The following C1QTNF9 variants were observed in gnomAD, a reference collection of about 807,000 sequenced individuals.
The protein encoded by C1QTNF9 is complement C1q and tumor necrosis factor-related protein 9A.
Under a neutral mutation model 10.1 loss-of-function variants are expected in C1QTNF9, and 6 were observed. That is an observed-to-expected ratio of 0.59 (90% CI 0.32 to 1.17). The LOEUF (loss-of-function observed/expected upper bound fraction) is 1.17, where lower values mean the gene tolerates loss of function less well. Ranked by LOEUF, C1QTNF9 falls within the 50% of genes most tolerant of loss-of-function variation. The pLI, the probability that C1QTNF9 is intolerant of heterozygous loss-of-function variation, is 0.04. For synonymous variants in C1QTNF9, 98 were observed against 163.5 expected, an observed-to-expected ratio of 0.60 and a Z score of 3.06; for missense variants, 201 against 418.8, an observed-to-expected ratio of 0.48 and a Z score of 4.54.
chr13:24,310,409 C>G (rs1218914325), intron 1 of C1QTNF9, among the ~76,000 whole-genome samples: 2 of 151,376 alleles, frequency 1.3e-5, no homozygotes, highest in South Asian at 4.2e-4. Context: ...CCTCGGCCTC[C>G]CAAAGTGCTG....
chr13:24,307,668 G>A (rs530085004), upstream of C1QTNF9, among the ~76,000 whole-genome samples: 1 of 152,224 alleles, frequency 6.6e-6, no homozygotes, highest in African/African-American at 2.4e-5. Context: ...CGGTCGCTAG[G>A]GTGGGGAGGG....
Position 24,320,721 on chromosome 13 carries a change from CT to C in C1QTNF9, c.230-263del, listed in dbSNP as rs879414090. 3.0e-3 allele frequency among the ~76,000 whole-genome samples: 439 copies of C among 144,068 alleles called. 1 individual carries two copies. The highest frequency in any genetic ancestry group is 3.0e-3 in the Non-Finnish European group (199 of 65,302). The allele number at this position is 144,068 out of a possible 152,430, so 94.5% of individuals were successfully genotyped here. ...ATTTTATTTTCTTATTTTTCTTTTT[CT>C]TTTTTTTTTTTAGAGTCAGGGTATT... On this transcript the variant is annotated intron_variant, in intron 3 of 3. Transcript: ENST00000332018.
chr13:24,311,304 A>G (rs1181414659), intron 1 of C1QTNF9, among the ~76,000 whole-genome samples: 1 of 152,256 alleles, frequency 6.6e-6, no homozygotes, highest in Non-Finnish European at 1.5e-5. Context: ...AAAGAATCGG[A>G]GAATGAGTCA....
chr13:24,310,054 C>T (rs572908089), intron 1 of C1QTNF9, among the ~76,000 whole-genome samples: 4 of 152,018 alleles, frequency 2.6e-5, no homozygotes, highest in South Asian at 2.1e-4. Context: ...CCACCACACC[C>T]TGCTAATTTT....
chr13:24,316,314 C>G, intron 2 of C1QTNF9, 145 bp downstream of exon 2: 1 of 1,197,206 alleles, frequency 8.4e-7, no homozygotes, highest in Non-Finnish European at 1.2e-6. Flanking sequence ...CTCACTGGAG[C>G]CTGACCCCAT....
intron 1 of C1QTNF9, among the ~76,000 whole-genome samples, chr13:24,310,026 T>C (rs1273967131): frequency 6.6e-6 from 1 of 151,514 alleles, no homozygotes; most frequent in Non-Finnish European, 1.5e-5. Context: ...CCCGAGTAGC[T>C]GGGATTACAG....
rs761867840 is a variant in C1QTNF9, at chr13:24,318,802, C to G, written c.167-16C>G. 2 of 1,614,238 alleles carry G rather than the reference C, an allele frequency of 1.2e-6. No individual in the cohort carries two copies. The highest frequency in any genetic ancestry group is 1.7e-6 in the Non-Finnish European group (2 of 1,180,020). On this transcript the variant is annotated splice_polypyrimidine_tract_variant and intron_variant, in intron 2 of 3. Coordinates refer to ENST00000332018, the Ensembl canonical transcript of C1QTNF9. ...TGGAATTTCAACTCATGCCTGTTTT[C>G]TGCTTTTCCACCTAGGAGAACCAGG...
At chr13:24,316,477 G>A (rs1471411673) in intron 2 of C1QTNF9, among the ~76,000 whole-genome samples, 1 of 152,166 alleles carries the variant, frequency 6.6e-6, no homozygotes, top group Non-Finnish European at 1.5e-5. Context: ...ATTTTCAGTA[G>A]TATACGATGT....
At chr13:24,320,622 T>C (rs1878217670) in intron 3 of C1QTNF9, among the ~76,000 whole-genome samples, 1 of 152,164 alleles carries the variant, frequency 6.6e-6, no homozygotes, top group African/African-American at 2.4e-5. Context: ...TGGACTCAAG[T>C]AGTCTGCCCA....
intron 2 of C1QTNF9, among the ~76,000 whole-genome samples, chr13:24,316,896 T>C (rs1225235747): frequency 6.6e-6 from 1 of 152,194 alleles, no homozygotes; most frequent in Non-Finnish European, 1.5e-5. Context: ...CTAAGGCATA[T>C]GCAGAATGAT....
In C1QTNF9 at chr13:24,313,105, T is replaced by C. The variant is rs187073764; in HGVS notation, c.-22-2877T>C. Among the ~76,000 whole-genome samples, 3 of 152,226 alleles carry C rather than the reference T, an allele frequency of 2.0e-5. No individual in the cohort carries two copies. The East Asian group carries it at 5.8e-4, about 29-fold the overall frequency. On this transcript the variant is annotated intron_variant, in intron 1 of 3. Coordinates refer to ENST00000332018, the Ensembl canonical transcript of C1QTNF9. ...CAACATTCATGAGACTGTATCTCTATAAACAAACAAACAAACAAACAAATA... is the reference window on the plus strand; with the variant it reads ...CAACATTCATGAGACTGTATCTCTACAAACAAACAAACAAACAAACAAATA...
At chr13:24,313,851 G>A (rs1011332162) in intron 1 of C1QTNF9, among the ~76,000 whole-genome samples, 7 of 152,126 alleles carry the variant, frequency 4.6e-5, no homozygotes, top group East Asian at 3.8e-4. Flanking sequence ...TCATACAGTC[G>A]TAAGTACATT....
chr13:24,313,461 G>A (rs866810146), intron 1 of C1QTNF9, among the ~76,000 whole-genome samples: 7 of 152,322 alleles, frequency 4.6e-5, no homozygotes, highest in Middle Eastern at 3.4e-3. Context: ...TTTGGTTGAT[G>A]GAATTTCGAT....
chr13:24,308,371 A>G (rs1566212069), upstream of C1QTNF9, among the ~76,000 whole-genome samples: 1 of 152,230 alleles, frequency 6.6e-6, no homozygotes, highest in East Asian at 1.9e-4. Context: ...GAGCCCGGCC[A>G]GAACTGCTGA....
At chr13:24,309,317 C>T (rs1262788076), upstream of C1QTNF9, among the ~76,000 whole-genome samples, 5 of 92,164 alleles carry the variant, frequency 5.4e-5, no homozygotes, top group East Asian at 1.1e-3. Context: ...ATGAAAGAAA[C>T]CTGCCTGGGG....
upstream of C1QTNF9, among the ~76,000 whole-genome samples, chr13:24,307,873 G>A (rs1402986634): frequency 3.3e-5 from 5 of 152,250 alleles, no homozygotes; most frequent in African/African-American, 1.2e-4. Context: ...CAGCAGCCCC[G>A]GAGGCTGGAG....
At chr13:24,318,624 T>A (rs77318507) in intron 2 of C1QTNF9, among the ~76,000 whole-genome samples, 194 bp from the exon 3 acceptor site, 18,315 of 152,042 alleles carry the variant, frequency 0.12, 819 homozygotes, top group Middle Eastern at 0.25. Flanking sequence ...AGGTCACTTA[T>A]CCCACGCAGC....
At chr13:24,313,749 AT>A (rs950801409) in intron 1 of C1QTNF9, among the ~76,000 whole-genome samples, 1 of 152,204 alleles carries the variant, frequency 6.6e-6, no homozygotes, top group Non-Finnish European at 1.5e-5. Context: ...ATAAAAAAGC[AT>A]TTTTTATAAA....
intron 1 of C1QTNF9, among the ~76,000 whole-genome samples, chr13:24,312,685 A>G (rs1170615056): frequency 2.0e-5 from 3 of 152,102 alleles, no homozygotes; most frequent in Admixed American, 6.6e-5. Flanking sequence ...GGCCGTGTGC[A>G]GTGACTCACA....
Sources: gnomAD v4.1 joint callset for allele counts (sites outside exome capture counted in the v4.1 genomes callset) on GRCh38, gnomAD v4.1.1 for gene constraint, MANE v1.5 for transcripts, NCBI Gene and HGNC (gene_info 2026-07-23, HGNC 2026-07-21) for gene names.